The following CFAP61 variants were observed in gnomAD, a reference collection of about 807,000 sequenced individuals.
CFAP61 encodes the protein cilia- and flagella-associated protein 61.
A neutral mutation model predicts 135.6 loss-of-function variants in CFAP61; 107 were observed. That is an observed-to-expected ratio of 0.79 (90% CI 0.67 to 0.93). The LOEUF (loss-of-function observed/expected upper bound fraction) is 0.93. CFAP61 is among the 40% of genes least tolerant of loss of function. The pLI is 0.00. For synonymous variants in CFAP61, 575 were observed against 578.5 expected (o/e 0.99, Z 0.09); for missense variants, 1,507 against 1,556.2 (o/e 0.97, Z 0.53).
intron 25 of CFAP61, among the ~76,000 whole-genome samples, chr20:20,340,923 G>A (rs760386702): frequency 3.9e-5 from 6 of 152,118 alleles, no homozygotes; most frequent in Non-Finnish European, 5.9e-5. Flanking sequence ...TCTCGGCGTC[G>A]TATCTGTCCT....
At chr20:20,129,742 A>G (rs554003654) in intron 8 of CFAP61, among the ~76,000 whole-genome samples, 65 of 148,318 alleles carry the variant, frequency 4.4e-4, no homozygotes, top group Non-Finnish European at 8.5e-4. Context: ...GTTGGTTTTC[A>G]TTCTTTTCTC....
At chr20:20,151,345 C>CA (rs140279260) in intron 9 of CFAP61, among the ~76,000 whole-genome samples, 81,881 of 148,240 alleles carry the variant, frequency 0.55, 22,630 homozygotes, top group Middle Eastern at 0.65. Flanking sequence ...CCCAATTAGA[C>CA]AAAAAAAAAA....
At chr20:20,140,619 C>A (rs1488668656) in intron 8 of CFAP61, among the ~76,000 whole-genome samples, 2 of 152,096 alleles carry the variant, frequency 1.3e-5, no homozygotes, top group African/African-American at 4.8e-5. Context: ...GTTGATGGGA[C>A]TATAAACTAG....
chr20:20,301,163 C>A (rs755505368), intron 25 of CFAP61, among the ~76,000 whole-genome samples: 9 of 152,190 alleles, frequency 5.9e-5, no homozygotes, highest in African/African-American at 2.2e-4. Flanking sequence ...AACTTCCAGT[C>A]CTGTAAGCTC....
chr20:20,149,484 G>A (rs1389564689), intron 9 of CFAP61, among the ~76,000 whole-genome samples: 1 of 152,184 alleles, frequency 6.6e-6, no homozygotes, highest in African/African-American at 2.4e-5. Flanking sequence ...TTTGTAAGAA[G>A]CAGCAGACTG....
chr20:20,066,520 C>T (rs1260234737), intron 2 of CFAP61, among the ~76,000 whole-genome samples: 2 of 152,176 alleles, frequency 1.3e-5, no homozygotes, highest in African/African-American at 4.8e-5. Flanking sequence ...AGTTCATGTC[C>T]TTTGCAGGGA....
chr20:20,188,020 G>A lies in CFAP61; in HGVS notation c.1476G>A (p.Glu492=). 6.2e-7 allele frequency: 1 copy of A among 1,614,130 alleles called. No homozygotes were observed. Among genetic ancestry groups the A allele is most frequent in the Non-Finnish European group, 8.5e-7 (1 of 1,179,992 alleles). Residue 492 remains glutamate (E), a synonymous_variant, in exon 14 of 27, where the codon GAG becomes GAA. Transcript: ENST00000245957. ...TCATGTTGAATAAAAGCATATTGGA[G>A]GACTTAGACCGTTACAACAAGGCTC... is the stretch of plus-strand genomic sequence containing the variant. ...STLMLNKSIL[E]DLDRYNKARK...
intron 25 of CFAP61, among the ~76,000 whole-genome samples, chr20:20,305,637 G>A (rs577944089): frequency 1.3e-5 from 2 of 152,312 alleles, no homozygotes; most frequent in African/African-American, 2.4e-5. Flanking sequence ...TGTAGACTCT[G>A]TAAGGGTTCC....
chr20:20,242,203 G>T (rs1002428030), intron 18 of CFAP61, among the ~76,000 whole-genome samples: 6 of 152,206 alleles, frequency 3.9e-5, no homozygotes, highest in African/African-American at 1.2e-4. Context: ...AGGAGGGCAG[G>T]TGTTTCTCTC....
chr20:20,305,222 C>G (rs1475825017), intron 25 of CFAP61, among the ~76,000 whole-genome samples: 1 of 152,234 alleles, frequency 6.6e-6, no homozygotes, highest in East Asian at 1.9e-4. Flanking sequence ...CTTTACAAGG[C>G]TGCCATTACC....
At chr20:20,116,534 A>G (rs562068676) in intron 8 of CFAP61, among the ~76,000 whole-genome samples, 3 of 152,212 alleles carry the variant, frequency 2.0e-5, no homozygotes, top group South Asian at 4.2e-4. Flanking sequence ...TGTTTCCCCA[A>G]TGTTTTCTTC....
rs530925504 is a variant in CFAP61 at position 20,234,454 on chromosome 20, G to A, written c.2060+6078G>A. Among the ~76,000 whole-genome samples the A allele has an allele frequency of 3.3e-5, 5 of 152,304 alleles. No homozygotes were observed. In the East Asian group the frequency reaches 9.7e-4, roughly 29 times the overall value. ...TAGACGATGATGGAGAAGAAGCAAG[G>A]GTTAGGTAAGAAGGCTGTGGGGAGA... is the stretch of plus-strand genomic sequence containing the variant. On this transcript the variant is annotated intron_variant, in intron 18 of 26. Coordinates refer to ENST00000245957, the MANE Select transcript of CFAP61 (RefSeq NM_015585.4).
chr20:20,277,600 T>C (rs761799880), intron 22 of CFAP61, 142 bp downstream of exon 22: 1 of 851,500 alleles, frequency 1.2e-6, no homozygotes, highest in Non-Finnish European at 1.8e-6. Flanking sequence ...GATTACCTCT[T>C]GCTGGGTAAC....
intron 7 of CFAP61, among the ~76,000 whole-genome samples, chr20:20,093,718 C>T (rs1414523896): frequency 2.6e-5 from 4 of 152,186 alleles, no homozygotes; most frequent in African/African-American, 7.2e-5. Context: ...AGCCACTGCA[C>T]CAGGCATGAA....
Position 20,259,968 on chromosome 20 carries a change from C to A in CFAP61, c.2329-2988C>A, listed in dbSNP as rs552275282. Reference sequence around the variant, plus strand: ...GCACTTTAGTTAGTGGCAGAGAACCCTCAGTTTGGATAACCAGTCCTTGTG... The same window carrying A: ...GCACTTTAGTTAGTGGCAGAGAACCATCAGTTTGGATAACCAGTCCTTGTG... On this transcript the variant is annotated intron_variant, in intron 20 of 26. Transcript: ENST00000245957. Among the ~76,000 whole-genome samples the A allele has an allele frequency of 2.0e-5, 3 of 152,250 alleles. No homozygotes were observed. In the East Asian group the frequency reaches 5.8e-4, roughly 29 times the overall value.
At chr20:20,174,121 AT>A in intron 13 of CFAP61, among the ~76,000 whole-genome samples, 1 of 152,206 alleles carries the variant, frequency 6.6e-6, no homozygotes, top group African/African-American at 2.4e-5. Flanking sequence ...ATTGGAGCAC[AT>A]GATGTATACC....
In CFAP61 at chr20:20,100,204, C is replaced by T. The variant is rs530674460; in HGVS notation, c.859+1390C>T. 2.7e-5 allele frequency among the ~76,000 whole-genome samples: 4 copies of T among 148,894 alleles called. No homozygotes were observed. In the South Asian group the frequency reaches 6.5e-4, roughly 24 times the overall value. On this transcript the variant is annotated intron_variant, in intron 8 of 26. Transcript: ENST00000245957. ...TTTTTTTTTTTGAGATGGAATTTAA[C>T]TCTTGTCACCCAGGCTGGAGTGCAA...
chr20:20,286,881 A>G (rs1275068189), intron 22 of CFAP61, among the ~76,000 whole-genome samples: 1 of 152,250 alleles, frequency 6.6e-6, no homozygotes, highest in Non-Finnish European at 1.5e-5. Flanking sequence ...TGTACTACTT[A>G]ACAAAAAGTA....
intron 14 of CFAP61, among the ~76,000 whole-genome samples, chr20:20,189,495 A>G (rs1046246657): frequency 2.7e-5 from 4 of 146,670 alleles, no homozygotes; most frequent in Non-Finnish European, 6.1e-5. Flanking sequence ...ATCTGTACTT[A>G]TGTACTTATG....
Sources: allele counts gnomAD v4.1 joint callset (sites outside exome capture counted in the v4.1 genomes callset), GRCh38; gene constraint gnomAD v4.1.1; transcripts MANE v1.5; gene names NCBI Gene and HGNC (gene_info 2026-07-23, HGNC 2026-07-21).